BTD: variants seen among roughly 807,000 people sequenced by gnomAD.
The protein encoded by BTD is biocytinase.
A neutral mutation model predicts 17.7 loss-of-function variants in BTD; 13 were observed. The ratio of observed to expected loss-of-function variants is 0.74; its 90% CI spans 0.48 to 1.17. The LOEUF (loss-of-function observed/expected upper bound fraction) is 1.17. Ranked by LOEUF, BTD falls within the 50% of genes most tolerant of loss-of-function variation. BTD has a pLI of 0.00. For synonymous variants in BTD, 240 were observed against 245.2 expected, an observed-to-expected ratio of 0.98 and a Z score of 0.20; for missense variants, 674 against 650.4, an observed-to-expected ratio of 1.04 and a Z score of -0.39.
At chr3:15,604,899 A>G (rs1234516030) in intron 1 of BTD, among the ~76,000 whole-genome samples, 1 of 152,222 alleles carries the variant, frequency 6.6e-6, no homozygotes, top group African/African-American at 2.4e-5. Context: ...TTTTGGTCAA[A>G]GCCATTCAAT....
intron 1 of BTD, among the ~76,000 whole-genome samples, chr3:15,621,646 C>T (rs932198690): frequency 1.3e-5 from 2 of 151,882 alleles, no homozygotes; most frequent in African/African-American, 4.8e-5. Flanking sequence ...GTTGCCCAGG[C>T]TGGAGTGCAA....
chr3:15,682,079 G>A (rs6796083), intron 3 of BTD, among the ~76,000 whole-genome samples: 14,133 of 151,636 alleles, frequency 0.093, 716 homozygotes, highest in African/African-American at 0.12. Context: ...CTGGGGTGAC[G>A]CAAAAAAAAT....
intron 1 of BTD, chr3:15,606,392 A>G (rs1443017314): frequency 1.3e-5 from 2 of 152,230 alleles, no homozygotes; most frequent in South Asian, 2.1e-4. Flanking sequence ...AATTAAACAT[A>G]TGATTGCCTG....
At chr3:15,714,613 C>T, downstream of BTD, 3 of 1,597,370 alleles carry the variant, frequency 1.9e-6, no homozygotes, top group Non-Finnish European at 2.6e-6. Flanking sequence ...GGAGAATCTA[C>T]CGTGGAGAGC....
At chr3:15,640,471 A>G (rs1575021569) in intron 2 of BTD, among the ~76,000 whole-genome samples, 1 of 150,984 alleles carries the variant, frequency 6.6e-6, no homozygotes. Context: ...GCTCACCGCA[A>G]CCTCTGCCTC....
At chr3:15,643,011 G>A (rs1264619566) in intron 3 of BTD, among the ~76,000 whole-genome samples, 5 of 138,948 alleles carry the variant, frequency 3.6e-5, no homozygotes, top group Non-Finnish European at 7.5e-5. Flanking sequence ...TGGACAACAG[G>A]AGCAAAACTC....
chr3:15,689,327 T>G (rs897074321), intron 3 of BTD, among the ~76,000 whole-genome samples: 2 of 152,230 alleles, frequency 1.3e-5, no homozygotes, highest in Non-Finnish European at 2.9e-5. Flanking sequence ...TAGTGGGGCT[T>G]CTGTCTGGAG....
Position 15,645,172 on chromosome 3 carries a change from C to G in BTD, c.1256C>G (p.Ala419Gly). 1 of 1,614,162 alleles carries G rather than the reference C, an allele frequency of 6.2e-7. No individual in the cohort carries two copies. The highest frequency in any genetic ancestry group is 8.5e-7 in the Non-Finnish European group (1 of 1,180,024). The change falls in exon 4 of 4, where the codon GCC (alanine) becomes GGC (glycine). Residue 419 changes from alanine to glycine, a missense_variant. By Grantham distance (60) the Ala-to-Gly change is moderately conservative. Transcript: ENST00000643237. Reference sequence around the variant, plus strand: ...CCCACCTTATCCAAAGAGCTGTATGCCCTGGGGGTCTTTGATGGGCTTCAC... The same window carrying G: ...CCCACCTTATCCAAAGAGCTGTATGGCCTGGGGGTCTTTGATGGGCTTCAC... ...ERPTLSKELY[A>G]LGVFDGLHTV... is the part of the protein sequence containing the mutation.
intron 1 of BTD, chr3:15,631,613 C>G: frequency 3.3e-6 from 3 of 898,334 alleles, no homozygotes; most frequent in Non-Finnish European, 5.2e-6. Flanking sequence ...AAAGAACCTT[C>G]CTGATCAGGA....
At chr3:15,675,906 T>C (rs781206249) in intron 3 of BTD, 1 of 1,608,632 alleles carries the variant, frequency 6.2e-7, no homozygotes, top group Non-Finnish European at 8.5e-7. Context: ...ACCATTTTCA[T>C]CTACTGCAAG....
chr3:15,674,301 A>G (rs2066710210), intron 3 of BTD, among the ~76,000 whole-genome samples: 2 of 151,946 alleles, frequency 1.3e-5, no homozygotes, highest in East Asian at 3.9e-4. Context: ...CTTTAGATCT[A>G]CTTTAGAGGT....
chr3:15,679,750 T>C (rs2067325582), intron 3 of BTD, among the ~76,000 whole-genome samples: 1 of 152,134 alleles, frequency 6.6e-6, no homozygotes. Flanking sequence ...TTTCTAGGCA[T>C]ATACAACTGC....
chr3:15,616,344 G>A (rs2064791302), intron 1 of BTD, among the ~76,000 whole-genome samples: 1 of 152,154 alleles, frequency 6.6e-6, no homozygotes, highest in Non-Finnish European at 1.5e-5. Context: ...GCCGGGCGCG[G>A]TGGCTCACAC....
chr3:15,711,217 G>A (rs202225172), exon 4 of BTD: 2 of 1,611,584 alleles, frequency 1.2e-6, no homozygotes, highest in East Asian at 4.5e-5. Flanking sequence ...ATACCCTCCA[G>A]CTGCAGCTGC....
At chr3:15,655,184 C>T (rs1000148724), downstream of BTD, among the ~76,000 whole-genome samples, 1 of 152,154 alleles carries the variant, frequency 6.6e-6, no homozygotes, top group Non-Finnish European at 1.5e-5. Context: ...ATTAGAGGAA[C>T]AAAGAAGGCT....
At chr3:15,661,575 T>C (rs2065925892) in intron 3 of BTD, among the ~76,000 whole-genome samples, 1 of 152,208 alleles carries the variant, frequency 6.6e-6, no homozygotes, top group Admixed American at 6.5e-5. Context: ...CTTTTGCAAT[T>C]TTTTTCCTCC....
At chr3:15,719,961 C>A (rs2073521824) in intron 4 of BTD, among the ~76,000 whole-genome samples, 1 of 152,108 alleles carries the variant, frequency 6.6e-6, no homozygotes, top group Non-Finnish European at 1.5e-5. Context: ...GCCTTGACCT[C>A]CAAGGCTCAA....
chr3:15,685,988 A>G (rs1350773838), intron 3 of BTD: 1 of 1,603,840 alleles, frequency 6.2e-7, no homozygotes, highest in South Asian at 1.1e-5. Context: ...AGGAAAGAGC[A>G]TATTTCTGCT....
At chr3:15,689,977 G>T in intron 3 of BTD, 2 of 1,497,162 alleles carry the variant, frequency 1.3e-6, no homozygotes, top group Non-Finnish European at 1.8e-6. Context: ...AAAAAGTATT[G>T]GATAGAAGTT....
Sources: allele counts gnomAD v4.1 joint callset (sites outside exome capture counted in the v4.1 genomes callset), GRCh38; gene constraint gnomAD v4.1.1; transcripts MANE v1.5; gene names NCBI Gene and HGNC (gene_info 2026-07-23, HGNC 2026-07-21).